Variants in KCNQ5 observed in about 807,000 individuals in gnomAD.
KCNQ5 encodes potassium voltage-gated channel subfamily KQT member 5.
A neutral mutation model predicts 98.2 loss-of-function variants in KCNQ5; 30 were observed. The observed-to-expected ratio is 0.31, with a 90% confidence interval of 0.23 to 0.41. The LOEUF is 0.41. Among genes scored for constraint, KCNQ5 ranks in the 10% least tolerant of loss-of-function variants. The pLI, the probability that KCNQ5 is intolerant of heterozygous loss-of-function variation, is 1.00. For missense variants in KCNQ5, 835 were observed against 1,182.5 expected (o/e 0.71, Z 4.31); for synonymous variants, 458 against 449.4 (o/e 1.02, Z -0.24).
At position 73,194,455 on chromosome 6, in the gene KCNQ5, C is replaced by A. The variant is rs1369067157; in HGVS notation, c.1840C>A (p.Gln614Lys). 3 of 1,611,952 alleles carry A rather than the reference C, an allele frequency of 1.9e-6. No homozygotes were observed. In the South Asian group the frequency reaches 3.3e-5, roughly 18 times the overall value. ...TAACCATTTTCCTCACTTCTAGGTACAGTCCATAGAATCCAAGCTGGACTG... is the reference window on the plus strand; with the variant it reads ...TAACCATTTTCCTCACTTCTAGGTAAAGTCCATAGAATCCAAGCTGGACTG... ...GRVVKVEKQV[Q>K]SIESKLDCLL... Residue 614 changes from glutamine to lysine, a missense_variant, in exon 14 of 14, where the codon CAG becomes AAG. By Grantham distance (53) the Gln-to-Lys change is moderately conservative. Coordinates refer to ENST00000370398, the MANE Select transcript of KCNQ5 (RefSeq NM_019842.4).
chr6:72,752,539 C>T (rs1037652354), intron 1 of KCNQ5, among the ~76,000 whole-genome samples: 3 of 152,058 alleles, frequency 2.0e-5, no homozygotes, highest in Non-Finnish European at 4.4e-5. Flanking sequence ...TCTGGCTCTG[C>T]CCCACCCATT....
chr6:72,746,894 A>G (rs1330079863), intron 1 of KCNQ5, among the ~76,000 whole-genome samples: 1 of 152,184 alleles, frequency 6.6e-6, no homozygotes, highest in African/African-American at 2.4e-5. Context: ...GCGGAAAATA[A>G]TGACGCTCTT....
At chr6:73,011,256 T>G (rs1173952654) in intron 2 of KCNQ5, among the ~76,000 whole-genome samples, 1 of 152,096 alleles carries the variant, frequency 6.6e-6, no homozygotes, top group East Asian at 1.9e-4. Flanking sequence ...ATAAAATGAT[T>G]AAGCTGTAAA....
chr6:72,676,219 G>A (rs941138278), intron 1 of KCNQ5, among the ~76,000 whole-genome samples: 8 of 152,110 alleles, frequency 5.3e-5, no homozygotes, highest in Non-Finnish European at 1.0e-4. Flanking sequence ...AGACACATCA[G>A]CATGCACATC....
intron 1 of KCNQ5, among the ~76,000 whole-genome samples, chr6:72,977,561 G>A (rs960046375): frequency 2.0e-5 from 3 of 152,156 alleles, no homozygotes; most frequent in Non-Finnish European, 4.4e-5. Context: ...GCAGGGGCCG[G>A]AAGACCTATG....
At chr6:72,916,969 C>G (rs1780174491) in intron 1 of KCNQ5, among the ~76,000 whole-genome samples, 1 of 152,212 alleles carries the variant, frequency 6.6e-6, no homozygotes, top group African/African-American at 2.4e-5. Context: ...AATATTTCCA[C>G]ATGAATGCTC....
At chr6:72,638,911 G>A (rs12190092) in intron 1 of KCNQ5, among the ~76,000 whole-genome samples, 26,960 of 152,140 alleles carry the variant, frequency 0.18, 2,742 homozygotes, top group Middle Eastern at 0.25. Context: ...TCAAAGGGAG[G>A]ACTGGAGTTC....
intron 1 of KCNQ5, among the ~76,000 whole-genome samples, chr6:72,828,452 A>T (rs994177460): frequency 3.3e-5 from 5 of 152,048 alleles, no homozygotes; most frequent in African/African-American, 1.2e-4. Context: ...CTTCTTGGTT[A>T]AATTTATTGC....
intron 5 of KCNQ5, among the ~76,000 whole-genome samples, chr6:73,078,431 A>G (rs1473154094): frequency 6.6e-6 from 1 of 152,162 alleles, no homozygotes; most frequent in African/African-American, 2.4e-5. Flanking sequence ...AATTTTCCAA[A>G]TAAATAAAGT....
intron 1 of KCNQ5, among the ~76,000 whole-genome samples, chr6:72,668,170 A>G (rs1335804710): frequency 6.6e-6 from 1 of 152,228 alleles, no homozygotes; most frequent in Non-Finnish European, 1.5e-5. Context: ...ACACGATAGT[A>G]CAGGGTGTAC....
At chr6:72,824,554 G>A (rs1284084964) in intron 1 of KCNQ5, among the ~76,000 whole-genome samples, 1 of 152,044 alleles carries the variant, frequency 6.6e-6, no homozygotes, top group East Asian at 1.9e-4. Context: ...ATTTGCACAT[G>A]TACTTATTAT....
At chr6:72,848,994 C>A (rs1777129198) in intron 1 of KCNQ5, among the ~76,000 whole-genome samples, 1 of 152,102 alleles carries the variant, frequency 6.6e-6, no homozygotes, top group Non-Finnish European at 1.5e-5. Context: ...TGAGAACAGA[C>A]TAATATAATG....
chr6:72,844,227 C>T (rs1404585677), intron 1 of KCNQ5, among the ~76,000 whole-genome samples: 1 of 152,132 alleles, frequency 6.6e-6, no homozygotes, highest in African/African-American at 2.4e-5. Context: ...ATGAGCTCAT[C>T]AAATAAGGAC....
chr6:73,028,995 A>G (rs1464046715), intron 2 of KCNQ5, among the ~76,000 whole-genome samples: 1 of 152,182 alleles, frequency 6.6e-6, no homozygotes, highest in East Asian at 1.9e-4. Context: ...AGCAATGGCA[A>G]TTCATCCTGC....
chr6:73,051,504 C>T (rs1772233298), intron 3 of KCNQ5, among the ~76,000 whole-genome samples: 1 of 152,124 alleles, frequency 6.6e-6, no homozygotes, highest in African/African-American at 2.4e-5. Context: ...CACCTTAGCG[C>T]CTCCACTTTA....
chr6:72,850,701 A>G (rs1333882388), intron 1 of KCNQ5, among the ~76,000 whole-genome samples: 1 of 152,132 alleles, frequency 6.6e-6, no homozygotes, highest in East Asian at 1.9e-4. Context: ...GAGCTTCTCT[A>G]AACAACCAGG....
chr6:72,864,760 A>G (rs574586023), intron 1 of KCNQ5, among the ~76,000 whole-genome samples: 25 of 152,334 alleles, frequency 1.6e-4, no homozygotes, highest in African/African-American at 6.0e-4. Flanking sequence ...ACTTAAAAAA[A>G]AAACTCCACA....
At chr6:73,011,680 G>A (rs1404509585) in intron 2 of KCNQ5, among the ~76,000 whole-genome samples, 1 of 151,938 alleles carries the variant, frequency 6.6e-6, no homozygotes, top group Non-Finnish European at 1.5e-5. Context: ...AGAGAAAAAA[G>A]GCAACACACA....
chr6:72,963,901 G>A (rs1767488816), intron 1 of KCNQ5, among the ~76,000 whole-genome samples: 1 of 152,064 alleles, frequency 6.6e-6, no homozygotes, highest in African/African-American at 2.4e-5. Flanking sequence ...TGGCCTACCT[G>A]CCTTGGCCTC....
Sources: allele counts gnomAD v4.1 joint callset (sites outside exome capture counted in the v4.1 genomes callset), GRCh38; gene constraint gnomAD v4.1.1; transcripts MANE v1.5; gene names NCBI Gene and HGNC (gene_info 2026-07-23, HGNC 2026-07-21).